Variants in BIN2 observed in about 807,000 individuals in gnomAD.
The protein encoded by BIN2 is breast cancer associated protein BRAP1.
In BIN2, 43 loss-of-function variants were observed where a neutral mutation model predicts 67.9. That is an observed-to-expected ratio of 0.63 (90% CI 0.50 to 0.82). BIN2 has a LOEUF of 0.82. Among genes scored for constraint, BIN2 ranks in the 40% least tolerant of loss-of-function variants. The pLI, the probability that BIN2 is intolerant of heterozygous loss-of-function variation, is 0.00. For synonymous variants in BIN2, 244 were observed against 246.8 expected (o/e 0.99, Z 0.11); for missense variants, 581 against 671.6 (o/e 0.87, Z 1.49).
intron 2 of BIN2, among the ~76,000 whole-genome samples, chr12:51,307,710 C>CA (rs199928908): frequency 0.033 from 3,881 of 117,604 alleles, 114 homozygotes; most frequent in East Asian, 0.17. Flanking sequence ...AACTCCGTCT[C>CA]AAAAAAAAAA....
intron 11 of BIN2, among the ~76,000 whole-genome samples, chr12:51,285,219 A>G (rs1427999279): frequency 2.0e-5 from 3 of 152,220 alleles, no homozygotes; most frequent in African/African-American, 7.2e-5. Context: ...CAGTTAGGAG[A>G]AGCAAGTGGT....
At chr12:51,287,192 T>G (rs993381158) in intron 11 of BIN2, among the ~76,000 whole-genome samples, 3 of 152,056 alleles carry the variant, frequency 2.0e-5, no homozygotes, top group African/African-American at 4.8e-5. Context: ...CAAGCTGGAG[T>G]GCAGTGGCTA....
At chr12:51,286,910 AC>A (rs1484438655) in intron 11 of BIN2, among the ~76,000 whole-genome samples, 3 of 147,562 alleles carry the variant, frequency 2.0e-5, no homozygotes, top group African/African-American at 7.6e-5. Context: ...TGTACCCTTG[AC>A]CTCCCTGGGC....
intron 7 of BIN2, among the ~76,000 whole-genome samples, chr12:51,298,813 A>G (rs1407666794): frequency 6.6e-6 from 1 of 152,138 alleles, no homozygotes; most frequent in Non-Finnish European, 1.5e-5. Context: ...TCACGCCTGT[A>G]ATCCCAGAAC....
At chr12:51,283,206 G>A (rs12825472) in intron 12 of BIN2, among the ~76,000 whole-genome samples, 17,568 of 148,914 alleles carry the variant, frequency 0.12, 1,164 homozygotes, top group South Asian at 0.15. Context: ...GCAGTGAGCC[G>A]AGATTGCACC....
Position 51,292,164 on chromosome 12 carries a change from C to G in BIN2, c.942G>C (p.Glu314Asp). ...AQGEDNSEIK[E>D]LLEEEEIEKE... ...TCTCTATTTCCTCCTCTTCTAAGAG[C>G]TCCTTGATCTCAGAATTGTCTTCCC... Residue 314 changes from glutamate (E) to aspartate (D), a missense_variant, in exon 10 of 13, where the codon GAG becomes GAC. Coordinates refer to ENST00000615107, the MANE Select transcript of BIN2 (RefSeq NM_016293.4). The G allele has an allele frequency of 6.2e-7, 1 of 1,613,834 alleles. No individual in the cohort carries two copies. Among genetic ancestry groups the G allele is most frequent in the Non-Finnish European group, 8.5e-7 (1 of 1,179,996 alleles).
intron 3 of BIN2, 109 bp from the exon 4 acceptor site, chr12:51,302,889 TTTAGG>T (rs1362555457): frequency 8.4e-7 from 1 of 1,189,900 alleles, no homozygotes; most frequent in East Asian, 2.3e-5. Flanking sequence ...ACTCAGAAGG[TTTAGG>T]TTATATAAGT....
At chr12:51,313,722 T>A in intron 2 of BIN2, 101 bp downstream of exon 2, 1 of 1,070,922 alleles carries the variant, frequency 9.3e-7, no homozygotes, top group Non-Finnish European at 1.4e-6. Context: ...GGTGGCTTGG[T>A]GGAGATGTTT....
At chr12:51,318,121 C>T (rs567654641) in intron 1 of BIN2, among the ~76,000 whole-genome samples, 1 of 152,240 alleles carries the variant, frequency 6.6e-6, no homozygotes, top group East Asian at 1.9e-4. Context: ...TTCAGCATGG[C>T]TGTTATGGGG....
chr12:51,292,291 G>T lies in BIN2; in HGVS notation c.815C>A (p.Ser272Tyr), dbSNP rs746325188. The change falls in exon 10 of 13, where the codon TCC (serine) becomes TAC (tyrosine). Residue 272 changes from serine to tyrosine, a missense_variant. By Grantham distance (144) the Ser-to-Tyr change is moderately radical (BLOSUM62 -2). Transcript: ENST00000615107. Reference protein sequence around the residue: ...ISPPVRTATVSSPLTSPTSPS... With the variant: ...ISPPVRTATVYSPLTSPTSPS... ...ACTAGTAGGTGAGGTAAGAGGACTGGAGACTGTAGCTGTTCGAACTGGGGG... is the reference window on the plus strand; with the variant it reads ...ACTAGTAGGTGAGGTAAGAGGACTGTAGACTGTAGCTGTTCGAACTGGGGG... The T allele has an allele frequency of 1.2e-6, 2 of 1,600,478 alleles. No homozygotes were observed. The highest frequency in any genetic ancestry group is 1.7e-6 in the Non-Finnish European group (2 of 1,179,834).
At position 51,302,504 on chromosome 12, in the gene BIN2, A is replaced by G. The variant is rs973418436; in HGVS notation, c.312+182T>C. The G allele has an allele frequency of 1.7e-5, 10 of 605,456 alleles. No homozygotes were observed. The Admixed American group carries it at 3.0e-4, about 18-fold the overall frequency. The allele number at this position is 605,456 out of a possible 1,614,324, so 37.5% of individuals were successfully genotyped here. A position where few individuals can be genotyped will look rare whatever the true frequency, so the allele number is the denominator to read the frequency against. On this transcript the variant is annotated intron_variant, in intron 4 of 12. Coordinates refer to ENST00000615107, the MANE Select transcript of BIN2 (RefSeq NM_016293.4). ...ATTAGAGGGATCCACAGATTAGGGA[A>G]AACTTGTTTTTACCTTAACAGTTGT...
chr12:51,291,818 A>T lies in BIN2; in HGVS notation c.1288T>A (p.Ser430Thr). Reference protein sequence around the residue: ...PRATASPRPSSGNIPSSPTAS... With the variant: ...PRATASPRPSTGNIPSSPTAS... ...GTAGGGCTGGAAGGTATGTTCCCTG[A>T]GGAGGGCCTGGGGCTTGCAGTGGCT... The change falls in exon 10 of 13, where the codon TCA (serine) becomes ACA (threonine). Residue 430 changes from serine (S) to threonine (T), a missense_variant. Coordinates refer to ENST00000615107, the MANE Select transcript of BIN2 (RefSeq NM_016293.4). 1 of 1,613,916 alleles carries T rather than the reference A, an allele frequency of 6.2e-7. No individual in the cohort carries two copies. The highest frequency in any genetic ancestry group is 1.3e-5 in the African/African-American group (1 of 75,002).
At chr12:51,299,084 A>T in intron 7 of BIN2, 119 bp downstream of exon 7, 1 of 681,876 alleles carries the variant, frequency 1.5e-6, no homozygotes, top group Non-Finnish European at 2.4e-6. Context: ...CGAAAAAAAA[A>T]AAAAGGGGGC....
At chr12:51,319,507 C>T (rs1217332398) in intron 1 of BIN2, among the ~76,000 whole-genome samples, 1 of 152,182 alleles carries the variant, frequency 6.6e-6, no homozygotes, top group Admixed American at 6.6e-5. Flanking sequence ...ATAAATTCTA[C>T]TTTTGGATCA....
chr12:51,310,460 A>G (rs561390259), intron 2 of BIN2, among the ~76,000 whole-genome samples: 183 of 152,352 alleles, frequency 1.2e-3, no homozygotes, highest in African/African-American at 4.2e-3. Flanking sequence ...GGACACTGAC[A>G]GGATATTTTG....
chr12:51,302,124 T>C lies in BIN2; in HGVS notation c.313-9A>G. The C allele has an allele frequency of 1.9e-6, 3 of 1,599,172 alleles. No individual in the cohort carries two copies. Among genetic ancestry groups the C allele is most frequent in the Non-Finnish European group, 1.7e-6 (2 of 1,166,650 alleles). On this transcript the variant is annotated splice_polypyrimidine_tract_variant and intron_variant, in intron 4 of 12. Transcript: ENST00000615107. ...CAAAGGAGATCATTATTCTGTAGGATAGAGTCAGAGGCTGGTGAAGGCTCC... is the reference window on the plus strand; with the variant it reads ...CAAAGGAGATCATTATTCTGTAGGACAGAGTCAGAGGCTGGTGAAGGCTCC...
intron 1 of BIN2, among the ~76,000 whole-genome samples, chr12:51,319,983 C>G (rs1456821833): frequency 7.6e-5 from 5 of 65,904 alleles, no homozygotes; most frequent in Non-Finnish European, 1.4e-4. Context: ...CCTTTTCTCC[C>G]TCTCTTTCTT....
At chr12:51,295,631 T>A (rs1945545011) in intron 9 of BIN2, among the ~76,000 whole-genome samples, 165 bp downstream of exon 9, 10 of 113,896 alleles carry the variant, frequency 8.8e-5, no homozygotes, top group Admixed American at 2.8e-4. Flanking sequence ...TATATATATA[T>A]TTAGTAAAAA....
intron 1 of BIN2, 68 bp from the exon 2 acceptor site, chr12:51,313,971 G>T: frequency 8.3e-7 from 1 of 1,200,378 alleles, no homozygotes; most frequent in South Asian, 1.3e-5. Flanking sequence ...GGCCTCATAT[G>T]ACCCTGGCTT....
Sources: gnomAD v4.1 joint callset for allele counts (sites outside exome capture counted in the v4.1 genomes callset) on GRCh38, gnomAD v4.1.1 for gene constraint, MANE v1.5 for transcripts, NCBI Gene and HGNC (gene_info 2026-07-23, HGNC 2026-07-21) for gene names.